The following SGMS1 variants were observed in gnomAD, a reference collection of about 807,000 sequenced individuals.
SGMS1 encodes the protein sphingomyelin synthase 1.
In SGMS1, 13 loss-of-function variants were observed where a neutral mutation model predicts 46.2. The ratio of observed to expected loss-of-function variants is 0.28; its 90% CI spans 0.18 to 0.45. SGMS1 has a LOEUF of 0.45. SGMS1 is among the 20% of genes least tolerant of loss of function. The pLI, the probability that SGMS1 is intolerant of heterozygous loss-of-function variation, is 1.00. For synonymous variants in SGMS1, 203 were observed against 187.8 expected, an observed-to-expected ratio of 1.08 and a Z score of -0.66; for missense variants, 324 against 519.9, an observed-to-expected ratio of 0.62 and a Z score of 3.66.
At chr10:50,624,003 C>T (rs1450560433), upstream of SGMS1, 2 of 985,360 alleles carry the variant, frequency 2.0e-6, no homozygotes, top group Non-Finnish European at 2.4e-6. Flanking sequence ...GCTTCCCGCG[C>T]GACGCGACTC....
chr10:50,404,320 T>A (rs1439174916), intron 6 of SGMS1, among the ~76,000 whole-genome samples: 1 of 151,936 alleles, frequency 6.6e-6, no homozygotes, highest in Non-Finnish European at 1.5e-5. Flanking sequence ...GATTTTTTTT[T>A]TTTTTTTAAA....
At chr10:50,536,242 A>AG (rs1341451848) in intron 2 of SGMS1, among the ~76,000 whole-genome samples, 2 of 152,136 alleles carry the variant, frequency 1.3e-5, no homozygotes, top group Non-Finnish European at 2.9e-5. Flanking sequence ...ATGAGGTGGG[A>AG]GGATCCCTTG....
At chr10:50,489,331 G>A (rs7923436) in intron 3 of SGMS1, among the ~76,000 whole-genome samples, 8,953 of 152,250 alleles carry the variant, frequency 0.059, 375 homozygotes, top group Middle Eastern at 0.095. Context: ...CAAATTATCC[G>A]AAACATGTGG....
rs1360404404 is a variant in SGMS1 at position 50,390,044 on chromosome 10, T to C, written c.-232+43432A>G. Among the ~76,000 whole-genome samples the C allele has an allele frequency of 2.0e-5, 3 of 152,232 alleles. No homozygotes were observed. In the East Asian group the frequency reaches 5.8e-4, roughly 29 times the overall value. On this transcript the variant is annotated intron_variant, in intron 6 of 10. Coordinates refer to ENST00000361781, the MANE Select transcript of SGMS1 (RefSeq NM_147156.4). ...ACCCATTACTCCTGATTTTAGCTGG[T>C]GTTCCTTTACTTTTTCCAAAGCAAC...
At chr10:50,500,538 G>A (rs1564929177) in intron 3 of SGMS1, among the ~76,000 whole-genome samples, 2 of 152,036 alleles carry the variant, frequency 1.3e-5, no homozygotes, top group Non-Finnish European at 2.9e-5. Context: ...TGTGTGCCAC[G>A]CATTTTTCTA....
chr10:50,610,089 G>A (rs1204927395), intron 1 of SGMS1, among the ~76,000 whole-genome samples: 1 of 152,164 alleles, frequency 6.6e-6, no homozygotes, highest in Non-Finnish European at 1.5e-5. Context: ...GCACCTCCCC[G>A]CCTTTGCTTC....
chr10:50,617,535 G>A (rs1838809547), intron 1 of SGMS1, among the ~76,000 whole-genome samples: 1 of 152,118 alleles, frequency 6.6e-6, no homozygotes, highest in Admixed American at 6.5e-5. Flanking sequence ...TGTACACTTT[G>A]AATGGATTTA....
chr10:50,504,822 TAAC>T (rs1022443409), intron 3 of SGMS1, among the ~76,000 whole-genome samples: 2 of 152,214 alleles, frequency 1.3e-5, no homozygotes, highest in Non-Finnish European at 2.9e-5. Flanking sequence ...AAATATCTCT[TAAC>T]AAATTGTTTT....
At chr10:50,519,717 C>A (rs1447033808) in intron 3 of SGMS1, 114 bp downstream of exon 3, 2 of 152,334 alleles carry the variant, frequency 1.3e-5, no homozygotes, top group Non-Finnish European at 2.9e-5. Flanking sequence ...CCTGGAAGAT[C>A]CCCTTATGCC....
chr10:50,481,015 C>T (rs976392067), intron 3 of SGMS1, among the ~76,000 whole-genome samples: 2 of 152,210 alleles, frequency 1.3e-5, no homozygotes, highest in Non-Finnish European at 2.9e-5. Context: ...CTCTGATCTC[C>T]CTGGGAAGGA....
In SGMS1 at chr10:50,342,245, A is replaced by T. The variant is rs181786680; in HGVS notation, c.623+1247T>A. The T allele has an allele frequency of 2.6e-5, 4 of 152,366 alleles. No homozygotes were observed. In the East Asian group the frequency reaches 5.8e-4, roughly 22 times the overall value. 9.4% of individuals were successfully genotyped at this position (152,366 alleles called of 1,614,324 possible). On this transcript the variant is annotated intron_variant, in intron 7 of 10. Transcript: ENST00000361781. ...TAAACTCCAAGTATCTTGTATTTCT[A>T]AAGCCTATTCCTATTTATTAGCCTC...
At chr10:50,579,680 T>C (rs1838415474) in intron 2 of SGMS1, among the ~76,000 whole-genome samples, 1 of 152,168 alleles carries the variant, frequency 6.6e-6, no homozygotes, top group Admixed American at 6.5e-5. Flanking sequence ...CAGTCTCAGA[T>C]ATATAACAAC....
At chr10:50,349,080 A>T (rs1318918699) in intron 6 of SGMS1, among the ~76,000 whole-genome samples, 2 of 152,354 alleles carry the variant, frequency 1.3e-5, no homozygotes, top group Non-Finnish European at 2.9e-5. Context: ...CATATCTAAC[A>T]AAGGAACTCG....
intron 6 of SGMS1, among the ~76,000 whole-genome samples, chr10:50,400,011 A>G (rs1364581422): frequency 6.7e-6 from 1 of 150,140 alleles, no homozygotes; most frequent in Non-Finnish European, 1.5e-5. Context: ...CCTGGGCGAC[A>G]CAGTGAGACT....
intron 3 of SGMS1, among the ~76,000 whole-genome samples, chr10:50,491,666 C>A (rs1302874766): frequency 6.6e-6 from 1 of 152,156 alleles, no homozygotes; most frequent in African/African-American, 2.4e-5. Flanking sequence ...GAGATTGAAG[C>A]AGTAACAAAT....
chr10:50,392,178 TAAAGTA>T (rs1848779692), intron 6 of SGMS1, among the ~76,000 whole-genome samples: 1 of 110,882 alleles, frequency 9.0e-6, no homozygotes, highest in Non-Finnish European at 1.9e-5. Flanking sequence ...ACTCTGAACC[TAAAGTA>T]AAAGTTAAAA....
chr10:50,343,896 C>T lies in SGMS1; in HGVS notation c.219G>A (p.Leu73=). The T allele has an allele frequency of 1.2e-6, 2 of 1,614,164 alleles. No homozygotes were observed. The highest frequency in any genetic ancestry group is 1.7e-6 in the Non-Finnish European group (2 of 1,180,028). The change falls in exon 7 of 11, where the codon TTG becomes TTA. Residue 73 remains leucine, a synonymous_variant. Coordinates refer to ENST00000361781, the MANE Select transcript of SGMS1 (RefSeq NM_147156.4). ...MIETLKMEHH[L]EAHKNGHANG... ...TGGCATGGCCGTTCTTGTGTGCTTC[C>T]AAATGGTGCTCCATTTTCAGGGTTT...
chr10:50,330,551 G>A (rs1235589488), intron 7 of SGMS1, among the ~76,000 whole-genome samples: 2 of 152,094 alleles, frequency 1.3e-5, no homozygotes, highest in Admixed American at 1.3e-4. Flanking sequence ...CTAAAATACT[G>A]GAAAAAGTTT....
intron 7 of SGMS1, among the ~76,000 whole-genome samples, chr10:50,333,306 A>C (rs1847656781): frequency 6.6e-6 from 1 of 152,130 alleles, no homozygotes; most frequent in South Asian, 2.1e-4. Context: ...CTAGAGCTTT[A>C]ATTCTTATTC....
Sources: allele counts gnomAD v4.1 joint callset (sites outside exome capture counted in the v4.1 genomes callset), GRCh38; gene constraint gnomAD v4.1.1; transcripts MANE v1.5; gene names NCBI Gene and HGNC (gene_info 2026-07-23, HGNC 2026-07-21).